Variants in DDX39A observed in about 807,000 individuals in gnomAD.
DDX39A encodes the protein ATP-dependent RNA helicase DDX39A.
A neutral mutation model predicts 46.3 loss-of-function variants in DDX39A; 13 were observed. That is an observed-to-expected ratio of 0.28 (90% CI 0.18 to 0.45). DDX39A has a LOEUF of 0.45. Among genes scored for constraint, DDX39A ranks in the 20% least tolerant of loss-of-function variants. The probability of loss-of-function intolerance (pLI) is 1.00; values close to 1 mark genes in which losing one functional copy is unlikely to be tolerated. For missense variants in DDX39A, 352 were observed against 581.8 expected (o/e 0.61, Z 4.06); for synonymous variants, 234 against 224.6 (o/e 1.04, Z -0.38).
chr19:14,409,897 G>T lies in DDX39A; in HGVS notation c.733-24C>A, dbSNP rs1454773042. On this transcript the variant is annotated intron_variant, in intron 6 of 10. Transcript: ENST00000242776. This position sits in a 1 kb window ranked among gnomAD's most constrained non-coding sequence, Gnocchi z 8.3. ...GGCTGTGTGGGAAGGGAGGTGGGAG[G>T]GGCGGGCAGGGATCACCTCTGGGCA... The T allele has an allele frequency of 1.9e-6, 3 of 1,612,580 alleles. No homozygotes were observed. The highest frequency in any genetic ancestry group is 1.3e-5 in the African/African-American group (1 of 75,036).
chr19:14,415,678 G>A (rs1200810933), intron 1 of DDX39A, among the ~76,000 whole-genome samples: 1 of 151,910 alleles, frequency 6.6e-6, no homozygotes, highest in Non-Finnish European at 1.5e-5. Context: ...GGACATGTAG[G>A]TGCCATCATC....
Position 14,410,855 on chromosome 19 carries a change from A to C in DDX39A, c.613+134T>G. On this transcript the variant is annotated intron_variant, in intron 5 of 10. Coordinates refer to ENST00000242776, the MANE Select transcript of DDX39A (RefSeq NM_005804.4). The surrounding 1 kb of genome is among the most constrained non-coding windows in gnomAD (Gnocchi z 4.3). Reference sequence around the variant, plus strand: ...AACAGCACATCCCTCTGCCAGCAGCAGAGCTTTCCCCAAGATCACCACAGG... The same window carrying C: ...AACAGCACATCCCTCTGCCAGCAGCCGAGCTTTCCCCAAGATCACCACAGG... 1.2e-6 allele frequency: 1 copy of C among 832,914 alleles called. No individual in the cohort carries two copies. The highest frequency in any genetic ancestry group is 1.8e-6 in the Non-Finnish European group (1 of 561,842). The allele number at this position is 832,914 out of a possible 1,614,324, so 51.6% of individuals were successfully genotyped here. A position where few individuals can be genotyped will look rare whatever the true frequency, so the allele number is the denominator to read the frequency against.
In DDX39A at chr19:14,412,800, C is replaced by T. The variant is rs1222138528; in HGVS notation, c.209-122G>A. The T allele has an allele frequency of 8.0e-6, 11 of 1,382,314 alleles. No individual in the cohort carries two copies. Among genetic ancestry groups the T allele is most frequent in the Non-Finnish European group, 1.1e-5 (11 of 1,024,940 alleles). The allele number at this position is 1,382,314 out of a possible 1,614,324, so 85.6% of individuals were successfully genotyped here. On this transcript the variant is annotated intron_variant, in intron 2 of 10. Transcript: ENST00000242776. The surrounding 1 kb of genome is among the most constrained non-coding windows in gnomAD (Gnocchi z 4.4). ...AAGAGGCCGAGTCCGGACAAGGCCA[C>T]AGACACCTGCAGGGCTGGGGTATCC... is the stretch of plus-strand genomic sequence containing the variant.
chr19:14,417,072 T>C (rs1458838031), intron 1 of DDX39A, among the ~76,000 whole-genome samples: 1 of 152,114 alleles, frequency 6.6e-6, no homozygotes, highest in African/African-American at 2.4e-5. Context: ...AAGAGTACTG[T>C]AACTTACTCC....
At position 14,409,536 on chromosome 19, in the gene DDX39A, C is replaced by T; in HGVS notation, c.974G>A (p.Arg325His). ...AIHRGMAQEERLSRYQQFKDF... is the reference protein window; with the variant it reads ...AIHRGMAQEEHLSRYQQFKDF... The stretch of plus-strand genomic sequence containing the variant: ...GCCTTGGCGGGCGGCTCGCACTCAC[C>T]GCTCCTCCTGGGCCATGCCCCGGTG... Residue 325 changes from arginine to histidine, a missense_variant and splice_region_variant, in exon 8 of 11, where the codon CGC (arginine) becomes CAC (histidine). Arg to His is a conservative substitution (Grantham distance 29, BLOSUM62 0). Around this residue, in one of 3 missense-constraint regions of DDX39A, gnomAD observed 301 missense variants for 469.9 expected, o/e 0.64. Coordinates refer to ENST00000242776, the MANE Select transcript of DDX39A (RefSeq NM_005804.4). The surrounding 1 kb of genome is among the most constrained non-coding windows in gnomAD (Gnocchi z 8.3). 6.2e-7 allele frequency: 1 copy of T among 1,608,872 alleles called. No individual in the cohort carries two copies. The highest frequency in any genetic ancestry group is 8.5e-7 in the Non-Finnish European group (1 of 1,178,412).
chr19:14,418,967 G>C (rs1385286352), intron 1 of DDX39A: 1 of 455,944 alleles, frequency 2.2e-6, no homozygotes, highest in Non-Finnish European at 4.4e-6. Context: ...GCCGCCGCGG[G>C]GTCTATTCGG....
rs1173220438 is a variant in DDX39A at position 14,411,064 on chromosome 19, G to A, written c.538C>T (p.Arg180Trp). 1.2e-5 allele frequency: 19 copies of A among 1,612,342 alleles called. No homozygotes were observed. Among genetic ancestry groups the A allele is most frequent in the Admixed American group, 1.7e-5 (1 of 59,668 alleles). The change falls in exon 5 of 11, where the codon CGG (arginine) becomes TGG (tryptophan). Residue 180 changes from arginine to tryptophan, a missense_variant. Coordinates refer to ENST00000242776, the MANE Select transcript of DDX39A (RefSeq NM_005804.4). This position sits in a 1 kb window ranked among gnomAD's most constrained non-coding sequence, Gnocchi z 4.1. ...TTCTTTAGGCTGAAGCTCCTATTCC[G>A]CACGAGCGCCAGGATGCGGCCCGGG... Reference protein sequence around the residue: ...GTPGRILALVRNRSFSLKNVK... With the variant: ...GTPGRILALVWNRSFSLKNVK...
rs771535082 is a variant in DDX39A at position 14,409,735 on chromosome 19, G to GT, written c.864+6dup. 6 of 1,614,188 alleles carry GT rather than the reference G, an allele frequency of 3.7e-6. No individual in the cohort carries two copies. The highest frequency in any genetic ancestry group is 4.5e-5 in the East Asian group (2 of 44,890). ...TGAGCCCCAGGACAGGCTGATGGAAGTATCACCTGGTTAAACTCCAGCACA... is the reference window on the plus strand; with the variant it reads ...TGAGCCCCAGGACAGGCTGATGGAAGTTATCACCTGGTTAAACTCCAGCACA... On this transcript the variant is annotated splice_region_variant and intron_variant, in intron 7 of 10. Coordinates refer to ENST00000242776, the MANE Select transcript of DDX39A (RefSeq NM_005804.4). This position sits in a 1 kb window ranked among gnomAD's most constrained non-coding sequence, Gnocchi z 8.3.
chr19:14,414,688 C>T (rs985053093), intron 1 of DDX39A, among the ~76,000 whole-genome samples: 7 of 146,208 alleles, frequency 4.8e-5, no homozygotes, highest in African/African-American at 9.9e-5. Flanking sequence ...ACAGGCTGCG[C>T]GCGGTGGCTC....
intron 1 of DDX39A, among the ~76,000 whole-genome samples, chr19:14,414,323 G>GTTTTTTT (rs201672917): frequency 1.5e-5 from 2 of 130,718 alleles, no homozygotes; most frequent in African/African-American, 6.0e-5. Flanking sequence ...GCTATCACCT[G>GTTTTTTT]TTTTATTATT....
Position 14,413,052 on chromosome 19 carries a change from G to A in DDX39A, c.169C>T (p.Arg57Trp), listed in dbSNP as rs1379954937. The A allele has an allele frequency of 1.9e-6, 3 of 1,614,086 alleles. No individual in the cohort carries two copies. The highest frequency in any genetic ancestry group is 1.7e-5 in the Admixed American group (1 of 59,994). Residue 57 changes from arginine to tryptophan, a missense_variant, in exon 2 of 11, where the codon CGG (arginine) becomes TGG (tryptophan). By Grantham distance (101) the Arg-to-Trp change is moderately radical. This residue lies in a region of DDX39A where 46 missense variants were observed against 78.2 expected (regional missense o/e 0.59). Transcript: ENST00000242776. The stretch of plus-strand genomic sequence containing the variant: ...TCAAAGCCACAGTCCACGATGGCCC[G>A]CAGGAGCTCCGGCTTCAGCAGAAAG... ...RDFLLKPELL[R>W]AIVDCGFEHP...
chr19:14,417,285 T>G (rs1465364650), intron 1 of DDX39A, among the ~76,000 whole-genome samples: 1 of 151,856 alleles, frequency 6.6e-6, no homozygotes, highest in Non-Finnish European at 1.5e-5. Context: ...AGATGGTGTA[T>G]TTTAAGGAAA....
At chr19:14,415,444 CATG>C (rs1976772587) in intron 1 of DDX39A, among the ~76,000 whole-genome samples, 2 of 152,064 alleles carry the variant, frequency 1.3e-5, no homozygotes, top group Admixed American at 6.6e-5. Flanking sequence ...GCAGGAGCTA[CATG>C]CGCCCGCCAC....
chr19:14,410,532 G>A lies in DDX39A; in HGVS notation c.614-198C>T, dbSNP rs1431192706. The A allele has an allele frequency of 2.5e-5, 15 of 599,686 alleles. No individual in the cohort carries two copies. Among genetic ancestry groups the A allele is most frequent in the South Asian group, 1.7e-4 (9 of 54,354 alleles). 37.1% of individuals were successfully genotyped at this position (599,686 alleles called of 1,614,324 possible). On this transcript the variant is annotated intron_variant, in intron 5 of 10. Transcript: ENST00000242776. This position sits in a 1 kb window ranked among gnomAD's most constrained non-coding sequence, Gnocchi z 4.3. ...GCCAGCGAGCGCAGGCGCGGGAGGA[G>A]CTGCAATCCACTTACACGCTGGCGC...
At chr19:14,413,652 T>G (rs1411909614) in intron 1 of DDX39A, among the ~76,000 whole-genome samples, 1 of 152,144 alleles carries the variant, frequency 6.6e-6, no homozygotes, top group Non-Finnish European at 1.5e-5. Context: ...CACAAATGCC[T>G]CCTTCTCCAC....
At position 14,412,519 on chromosome 19, in the gene DDX39A, G is replaced by T. The variant is rs1442914053; in HGVS notation, c.336+32C>A. The T allele has an allele frequency of 3.8e-6, 6 of 1,596,646 alleles. No individual in the cohort carries two copies. Among genetic ancestry groups the T allele is most frequent in the Non-Finnish European group, 5.1e-6 (6 of 1,175,776 alleles). On this transcript the variant is annotated intron_variant, in intron 3 of 10. Transcript: ENST00000242776. The surrounding 1 kb of genome is among the most constrained non-coding windows in gnomAD (Gnocchi z 4.4). ...TACTCTACTTCCGCCGCCACAGGCA[G>T]GGTGGGGCCAGGAAGGGAGGAGCCC...
chr19:14,411,908 T>C lies in DDX39A; in HGVS notation c.337-310A>G, dbSNP rs1029784518. Among the ~76,000 whole-genome samples, 2 of 152,202 alleles carry C rather than the reference T, an allele frequency of 1.3e-5. No individual in the cohort carries two copies. Among genetic ancestry groups the C allele is most frequent in the Non-Finnish European group, 2.9e-5 (2 of 68,032 alleles). On this transcript the variant is annotated intron_variant, in intron 3 of 10. Transcript: ENST00000242776. The surrounding 1 kb of genome is among the most constrained non-coding windows in gnomAD (Gnocchi z 4.1). ...CTGGGTGACATGGGACCTGGCTCTC[T>C]AAGGATTTCCTGAATCTCGGCACTC... is the stretch of plus-strand genomic sequence containing the variant.
rs182452562 is a variant in DDX39A at position 14,410,420 on chromosome 19, C to G, written c.614-86G>C. The G allele has an allele frequency of 2.5e-5, 31 of 1,218,980 alleles. No homozygotes were observed. In the East Asian group the frequency reaches 7.0e-4, roughly 28 times the overall value. The allele number at this position is 1,218,980 out of a possible 1,614,324, so 75.5% of individuals were successfully genotyped here. A position where few individuals can be genotyped will look rare whatever the true frequency, so the allele number is the denominator to read the frequency against. ...CAGACCAGACCCAGACCCCTCCCAACCTGTGCCAGGGAGCCAGTGGCACCG... is the reference window on the plus strand; with the variant it reads ...CAGACCAGACCCAGACCCCTCCCAAGCTGTGCCAGGGAGCCAGTGGCACCG... On this transcript the variant is annotated intron_variant, in intron 5 of 10. Coordinates refer to ENST00000242776, the MANE Select transcript of DDX39A (RefSeq NM_005804.4). The surrounding 1 kb of genome is among the most constrained non-coding windows in gnomAD (Gnocchi z 4.3).
intron 1 of DDX39A, chr19:14,415,839 A>C (rs1976789458): frequency 6.5e-6 from 1 of 154,010 alleles, no homozygotes. Flanking sequence ...TGGGAGGCCT[A>C]GGCGGGCGGA....
Sources: allele counts gnomAD v4.1 joint callset (sites outside exome capture counted in the v4.1 genomes callset), GRCh38; gene constraint gnomAD v4.1.1; regional missense constraint gnomAD v4.1.1; non-coding constraint Gnocchi (gnomAD v3.1); transcripts MANE v1.5; gene names NCBI Gene and HGNC (gene_info 2026-07-23, HGNC 2026-07-21).